Variants in SLC26A5 observed in about 807,000 individuals in gnomAD.
SLC26A5 encodes the protein prestin.
A neutral mutation model predicts 81.0 loss-of-function variants in SLC26A5; 51 were observed. The observed-to-expected ratio is 0.63, with a 90% CI of 0.50 to 0.80. SLC26A5 has a LOEUF of 0.80. Ranked by LOEUF, SLC26A5 falls within the 30% of genes least tolerant of loss-of-function variation. The probability of loss-of-function intolerance (pLI) is 0.00; values close to 1 mark genes in which losing one functional copy is unlikely to be tolerated. For synonymous variants in SLC26A5, 325 were observed against 332.8 expected, an observed-to-expected ratio of 0.98 and a Z score of 0.25; for missense variants, 771 against 905.8, an observed-to-expected ratio of 0.85 and a Z score of 1.91.
chr7:103,359,615 C>T (rs1334946505), intron 19 of SLC26A5, among the ~76,000 whole-genome samples: 7 of 152,212 alleles, frequency 4.6e-5, no homozygotes, highest in Admixed American at 3.3e-4. Context: ...TAGCATATTT[C>T]AAGGTTCATC....
Position 103,391,744 on chromosome 7 carries a change from T to G in SLC26A5, c.1120-9A>C. ...CCCAGGGCAATGAGCTCCTTTCCCA[T>G]GTAGAAACAAAACACAAAAGAGATA... On this transcript the variant is annotated splice_polypyrimidine_tract_variant and intron_variant, in intron 10 of 19. Coordinates refer to ENST00000306312, the MANE Select transcript of SLC26A5 (RefSeq NM_198999.3). The G allele has an allele frequency of 6.2e-7, 1 of 1,609,786 alleles. No homozygotes were observed. The highest frequency in any genetic ancestry group is 1.7e-4 in the Middle Eastern group (1 of 6,056).
chr7:103,442,848 T>C (rs533084307), intron 2 of SLC26A5, among the ~76,000 whole-genome samples: 219 of 152,316 alleles, frequency 1.4e-3, no homozygotes, highest in African/African-American at 5.1e-3. Flanking sequence ...CACTCAAGAA[T>C]ACTGTAAGTC....
At chr7:103,406,797 A>C (rs1824091642) in intron 8 of SLC26A5, among the ~76,000 whole-genome samples, 1 of 152,188 alleles carries the variant, frequency 6.6e-6, no homozygotes, top group Non-Finnish European at 1.5e-5. Context: ...CTGGGATTAC[A>C]GGTGCATTTC....
At chr7:103,380,779 C>T (rs1821712993) in intron 14 of SLC26A5, among the ~76,000 whole-genome samples, 1 of 151,736 alleles carries the variant, frequency 6.6e-6, no homozygotes, top group African/African-American at 2.4e-5. Flanking sequence ...GCCACACACA[C>T]ACATACATAC....
At chr7:103,398,359 G>T (rs1586277344) in intron 8 of SLC26A5, among the ~76,000 whole-genome samples, 1 of 152,286 alleles carries the variant, frequency 6.6e-6, no homozygotes, top group Non-Finnish European at 1.5e-5. Context: ...TGGCCACAAT[G>T]TTATGAATAA....
intron 19 of SLC26A5, chr7:103,366,027 A>G (rs1298102241): frequency 6.9e-7 from 1 of 1,443,278 alleles, no homozygotes; most frequent in East Asian, 2.3e-5. Flanking sequence ...TACTTATTTT[A>G]AAATATTTTG....
intron 2 of SLC26A5, among the ~76,000 whole-genome samples, chr7:103,432,257 G>A (rs891704737): frequency 2.0e-5 from 3 of 152,040 alleles, no homozygotes; most frequent in African/African-American, 7.2e-5. Flanking sequence ...TTCTATTTTT[G>A]CTAAATTATA....
chr7:103,403,647 TGTTGGTTTAAA>T (rs1823783438), intron 8 of SLC26A5, among the ~76,000 whole-genome samples: 1 of 152,108 alleles, frequency 6.6e-6, no homozygotes, highest in African/African-American at 2.4e-5. Context: ...TTTTGATCTT[TGTTGGTTTAAA>T]GTCTGTTTTA....
intron 10 of SLC26A5, among the ~76,000 whole-genome samples, chr7:103,392,012 A>G (rs923458529): frequency 6.6e-6 from 1 of 152,218 alleles, no homozygotes; most frequent in Non-Finnish European, 1.5e-5. Flanking sequence ...ATAACGCTTA[A>G]GAAGAAAACT....
intron 8 of SLC26A5, among the ~76,000 whole-genome samples, chr7:103,407,287 T>A (rs1236361377): frequency 2.0e-5 from 3 of 152,226 alleles, no homozygotes; most frequent in African/African-American, 7.2e-5. Context: ...ATCAGGCATA[T>A]GCATTCCATG....
At chr7:103,391,514 T>C in intron 11 of SLC26A5, 108 bp downstream of exon 11, 2 of 861,126 alleles carry the variant, frequency 2.3e-6, no homozygotes, top group Non-Finnish European at 3.8e-6. Context: ...CACTGGAGCA[T>C]GGATCTGCAG....
intron 2 of SLC26A5, among the ~76,000 whole-genome samples, chr7:103,437,754 GGT>G (rs1325403489): frequency 2.0e-5 from 3 of 152,152 alleles, no homozygotes; most frequent in African/African-American, 7.2e-5. Context: ...AGAGTAGAAT[GGT>G]GTTGACCAGA....
intron 19 of SLC26A5, chr7:103,361,853 T>C (rs987618468): frequency 1.1e-5 from 12 of 1,118,904 alleles, no homozygotes; most frequent in Admixed American, 3.1e-5. Flanking sequence ...TCTGTAGTTC[T>C]AGTTTATACC....
rs180798798 is a variant in SLC26A5, at chr7:103,360,982, C to T, written c.2042-8056G>A. Among the ~76,000 whole-genome samples the T allele has an allele frequency of 2.5e-3, 378 of 152,092 alleles. 1 individual carries two copies. The highest frequency in any genetic ancestry group is 7.9e-3 in the African/African-American group (327 of 41,488). ...CAAAACAATTAGCCGGGCGTGCTGG[C>T]GCATTCCTGTAATGCCAGCTACTTG... is the stretch of plus-strand genomic sequence containing the variant. On this transcript the variant is annotated intron_variant, in intron 19 of 19. Transcript: ENST00000339444.
intron 2 of SLC26A5, among the ~76,000 whole-genome samples, chr7:103,442,179 T>C (rs903175272): frequency 6.6e-6 from 1 of 152,186 alleles, no homozygotes; most frequent in African/African-American, 2.4e-5. Flanking sequence ...CTCGCTCTTG[T>C]TGCCCAGGCT....
At chr7:103,386,841 C>A (rs1274329429) in intron 14 of SLC26A5, among the ~76,000 whole-genome samples, 1 of 151,928 alleles carries the variant, frequency 6.6e-6, no homozygotes, top group East Asian at 1.9e-4. Context: ...CAGCTCACTG[C>A]AACCTCCACC....
chr7:103,380,439 A>T (rs756435546), intron 15 of SLC26A5, 41 bp downstream of exon 15: 7 of 1,535,730 alleles, frequency 4.6e-6, no homozygotes. Context: ...CAAGCACATC[A>T]CATGCTTACA....
At position 103,374,397 on chromosome 7, in the gene SLC26A5, A is replaced by T. The variant is rs552050025; in HGVS notation, c.*2T>A. On this transcript the variant is annotated 3_prime_UTR_variant, in exon 20 of 20. Coordinates refer to ENST00000306312, the MANE Select transcript of SLC26A5 (RefSeq NM_198999.3). ...AACCCCATCCTAGGGTGAGGTCCTC[A>T]TCTATGCCTCAGGAGTGGCAGGAGT... 5.1e-5 allele frequency: 82 copies of T among 1,612,288 alleles called. No individual in the cohort carries two copies. The Admixed American group carries it at 6.5e-4, about 13-fold the overall frequency.
At chr7:103,412,325 T>C (rs1441437553) in intron 5 of SLC26A5, among the ~76,000 whole-genome samples, 1 of 152,090 alleles carries the variant, frequency 6.6e-6, no homozygotes, top group East Asian at 1.9e-4. Context: ...GCCCAAAATA[T>C]GACAAAAATG....
Sources: gnomAD v4.1 joint callset for allele counts (sites outside exome capture counted in the v4.1 genomes callset) on GRCh38, gnomAD v4.1.1 for gene constraint, MANE v1.5 for transcripts, NCBI Gene and HGNC (gene_info 2026-07-23, HGNC 2026-07-21) for gene names.